The following PGAM5 variants were observed in gnomAD, a reference collection of about 807,000 sequenced individuals.
PGAM5 encodes the protein PGAM family member 5, mitochondrial serine/threonine protein phosphatase.
A neutral mutation model predicts 30.6 loss-of-function variants in PGAM5; 25 were observed. The ratio of observed to expected loss-of-function variants is 0.82; its 90% confidence interval spans 0.60 to 1.14. The LOEUF (loss-of-function observed/expected upper bound fraction) is 1.14. PGAM5 is among the 50% of genes most tolerant of loss of function. The pLI, the probability that PGAM5 is intolerant of heterozygous loss-of-function variation, is 0.00. For synonymous variants in PGAM5, 201 were observed against 179.1 expected, an observed-to-expected ratio of 1.12 and a Z score of -0.98; for missense variants, 384 against 408.5, an observed-to-expected ratio of 0.94 and a Z score of 0.52.
Position 132,710,890 on chromosome 12 carries a change from A to G in PGAM5, c.14A>G (p.Gln5Arg), listed in dbSNP as rs1250437984. MAFR[Q>R]ALQLAACGLA... ...GGAGCAAGCGGCATGGCGTTCCGGC[A>G]GGCGCTGCAGCTGGCGGCCTGCGGG... is the stretch of plus-strand genomic sequence containing the variant. The change falls in exon 1 of 6, where the codon CAG (glutamine) becomes CGG (arginine). Residue 5 changes from glutamine (Q) to arginine (R), a missense_variant. Gln to Arg is a conservative substitution (Grantham distance 43). Coordinates refer to ENST00000498926, the MANE Select transcript of PGAM5 (RefSeq NM_001170543.2). 5 of 1,138,252 alleles carry G rather than the reference A, an allele frequency of 4.4e-6. No individual in the cohort carries two copies. Among genetic ancestry groups the G allele is most frequent in the African/African-American group, 1.6e-5 (1 of 60,612 alleles). 70.5% of individuals were successfully genotyped at this position (1,138,252 alleles called of 1,614,324 possible).
Position 132,722,455 on chromosome 12 carries a change from G to A in PGAM5, c.*1627G>A, listed in dbSNP as rs1384021327. ...AGTAGAGATGGGGTTTCACCGTGTT[G>A]GCCAGGCTGGTCTCGAACTCCTGAC... On this transcript the variant is annotated 3_prime_UTR_variant, in exon 6 of 6. Transcript: ENST00000498926. 1 of 151,604 alleles carries A rather than the reference G, an allele frequency of 6.6e-6. No homozygotes were observed. The highest frequency in any genetic ancestry group is 1.5e-5 in the Non-Finnish European group (1 of 67,926). The allele number at this position is 151,604 out of a possible 1,614,324, so 9.4% of individuals were successfully genotyped here.
chr12:132,711,692 A>G (rs910540246), intron 1 of PGAM5: 4 of 151,950 alleles, frequency 2.6e-5, no homozygotes, highest in Admixed American at 6.6e-5. Context: ...AGGCTGAGGT[A>G]GGAGGATCCC....
chr12:132,720,313 G>A (rs1174576171), intron 5 of PGAM5, among the ~76,000 whole-genome samples: 3 of 139,030 alleles, frequency 2.2e-5, no homozygotes, highest in South Asian at 2.3e-4. Flanking sequence ...AGCCCAGCCC[G>A]TTTTTTTTTT....
At chr12:132,718,701 G>T in intron 5 of PGAM5, 1 of 1,566,872 alleles carries the variant, frequency 6.4e-7, no homozygotes. Context: ...GTAATTGAAC[G>T]TCCTGTTTCC....
chr12:132,714,668 C>G, intron 1 of PGAM5, 190 bp from the exon 2 acceptor site: 1 of 615,408 alleles, frequency 1.6e-6, no homozygotes, highest in Admixed American at 3.0e-5. Flanking sequence ...TCAGAACAGA[C>G]CTGGCACTAG....
intron 2 of PGAM5, among the ~76,000 whole-genome samples, chr12:132,716,963 T>C (rs1305749093): frequency 6.6e-6 from 1 of 152,218 alleles, no homozygotes; most frequent in African/African-American, 2.4e-5. Flanking sequence ...AAAAGGCATC[T>C]GCACTGGTGT....
chr12:132,713,944 A>G (rs1178808831), intron 1 of PGAM5, among the ~76,000 whole-genome samples: 1 of 151,380 alleles, frequency 6.6e-6, no homozygotes, highest in Non-Finnish European at 1.5e-5. Context: ...GCTGGGATCC[A>G]CTCTTTTTCA....
At chr12:132,718,962 G>A (rs1441132504) in intron 5 of PGAM5, 2 of 1,499,464 alleles carry the variant, frequency 1.3e-6, no homozygotes, top group Non-Finnish European at 1.8e-6. Flanking sequence ...ACCTGCTCTG[G>A]TGCCCCACTC....
chr12:132,720,923 C>G lies in PGAM5; in HGVS notation c.*95C>G. 1 of 1,386,268 alleles carries G rather than the reference C, an allele frequency of 7.2e-7. No homozygotes were observed. The highest frequency in any genetic ancestry group is 2.6e-5 in the East Asian group (1 of 39,080). 85.9% of individuals were successfully genotyped at this position (1,386,268 alleles called of 1,614,324 possible). On this transcript the variant is annotated 3_prime_UTR_variant, in exon 6 of 6. Coordinates refer to ENST00000498926, the MANE Select transcript of PGAM5 (RefSeq NM_001170543.2). ...GAGACCGGCGGAAAGTAGAAACCTG[C>G]AATGCTGCATCTGGGAACTGACTTG...
Position 132,720,722 on chromosome 12 carries a change from A to G in PGAM5, c.764A>G (p.Asn255Ser), listed in dbSNP as rs1345008708. The G allele has an allele frequency of 2.6e-6, 4 of 1,536,078 alleles. No homozygotes were observed. The highest frequency in any genetic ancestry group is 2.7e-5 in the African/African-American group (2 of 72,956). The change falls in exon 6 of 6, where the codon AAT (asparagine) becomes AGT (serine). Residue 255 changes from asparagine to serine, a missense_variant. Physicochemically the swap from Asn to Ser is conservative, Grantham distance 46. Transcript: ENST00000498926. ...GAAGGCTGGCTCCGGCTCTCCCTCA[A>G]TAATGGCAGCATCACCCACCTGGTG... ...PPEGWLRLSL[N>S]NGSITHLVIR...
At position 132,720,948 on chromosome 12, in the gene PGAM5, G is replaced by C; in HGVS notation, c.*120G>C. On this transcript the variant is annotated 3_prime_UTR_variant, in exon 6 of 6. Transcript: ENST00000498926. ...CAATGCTGCATCTGGGAACTGACTT[G>C]TGACCAGGCTGAGAAGGGGAGAGTT... The C allele has an allele frequency of 7.9e-7, 1 of 1,267,326 alleles. No homozygotes were observed. Among genetic ancestry groups the C allele is most frequent in the Non-Finnish European group, 1.1e-6 (1 of 941,008 alleles). The allele number at this position is 1,267,326 out of a possible 1,614,324, so 78.5% of individuals were successfully genotyped here.
intron 2 of PGAM5, among the ~76,000 whole-genome samples, chr12:132,715,242 C>G (rs1165138188): frequency 6.6e-6 from 1 of 152,244 alleles, no homozygotes; most frequent in Non-Finnish European, 1.5e-5. Flanking sequence ...CAGTAACTGT[C>G]AGCTGAACTT....
intron 1 of PGAM5, among the ~76,000 whole-genome samples, chr12:132,713,520 C>A (rs2043542260): frequency 6.6e-6 from 1 of 152,160 alleles, no homozygotes; most frequent in African/African-American, 2.4e-5. Flanking sequence ...TGAGTCTTGG[C>A]CTGGTTTATG....
Position 132,721,030 on chromosome 12 carries a change from G to A in PGAM5, c.*202G>A, listed in dbSNP as rs758707056. 107 of 609,232 alleles carry A rather than the reference G, an allele frequency of 1.8e-4. No homozygotes were observed. Among genetic ancestry groups the A allele is most frequent in the Admixed American group, 1.1e-3 (34 of 30,460 alleles). The allele number at this position is 609,232 out of a possible 1,614,324, so 37.7% of individuals were successfully genotyped here. ...TTTATACCTGACCATGAACCCCCAG[G>A]ATGGCGTGGGGTTTAAGGTGAAAGC... On this transcript the variant is annotated 3_prime_UTR_variant, in exon 6 of 6. Coordinates refer to ENST00000498926, the MANE Select transcript of PGAM5 (RefSeq NM_001170543.2).
rs917517498 is a variant in PGAM5 at position 132,710,881 on chromosome 12, C to T, written c.5C>T (p.Ala2Val). Residue 2 changes from alanine (A) to valine (V), a missense_variant, in exon 1 of 6, where the codon GCG becomes GTG. Coordinates refer to ENST00000498926, the MANE Select transcript of PGAM5 (RefSeq NM_001170543.2). MAFRQALQLAAC... is the reference protein window; with the variant it reads MVFRQALQLAAC... The stretch of plus-strand genomic sequence containing the variant: ...GCCGGCGCGGGAGCAAGCGGCATGG[C>T]GTTCCGGCAGGCGCTGCAGCTGGCG... 6 of 1,134,318 alleles carry T rather than the reference C, an allele frequency of 5.3e-6. No individual in the cohort carries two copies. Among genetic ancestry groups the T allele is most frequent in the South Asian group, 8.5e-5 (2 of 23,432 alleles). The allele number at this position is 1,134,318 out of a possible 1,614,324, so 70.3% of individuals were successfully genotyped here.
chr12:132,717,311 G>A, intron 2 of PGAM5, 128 bp from the exon 3 acceptor site: 1 of 1,148,852 alleles, frequency 8.7e-7, no homozygotes, highest in Non-Finnish European at 1.2e-6. Flanking sequence ...GGCGGAGGAG[G>A]GGGTGTTTGC....
chr12:132,717,420 G>A lies in PGAM5; in HGVS notation c.371-19G>A, dbSNP rs369886129. The stretch of plus-strand genomic sequence containing the variant: ...GGAGGGGGTGCAGGTGCGGCACTCA[G>A]GTGCCTTTCACCTTCCAGGTCGGGA... On this transcript the variant is annotated intron_variant, in intron 2 of 5. Transcript: ENST00000498926. The A allele has an allele frequency of 1.2e-6, 2 of 1,603,018 alleles. No individual in the cohort carries two copies. Among genetic ancestry groups the A allele is most frequent in the African/African-American group, 2.7e-5 (2 of 74,874 alleles).
intron 2 of PGAM5, among the ~76,000 whole-genome samples, chr12:132,716,597 G>A (rs966047281): frequency 6.6e-6 from 1 of 152,170 alleles, no homozygotes; most frequent in Non-Finnish European, 1.5e-5. Context: ...TGTCCCCACT[G>A]GCAGATGCTG....
chr12:132,718,886 G>T, intron 5 of PGAM5: 26 of 1,607,086 alleles, frequency 1.6e-5, no homozygotes, highest in South Asian at 2.2e-5. Context: ...GCTCCCCTCT[G>T]GGTCGAGGCC....
Sources: allele counts gnomAD v4.1 joint callset (sites outside exome capture counted in the v4.1 genomes callset), GRCh38; gene constraint gnomAD v4.1.1; transcripts MANE v1.5; gene names NCBI Gene and HGNC (gene_info 2026-07-23, HGNC 2026-07-21).